MRM1: variants seen among roughly 807,000 people sequenced by gnomAD.
MRM1 encodes the protein rRNA methyltransferase 1, mitochondrial.
In MRM1, 24 loss-of-function variants were observed where a neutral mutation model predicts 25.0. That is an observed-to-expected ratio of 0.96 (90% confidence interval 0.69 to 1.35). The LOEUF is 1.35. Ranked by LOEUF, MRM1 falls within the 40% of genes most tolerant of loss-of-function variation. The pLI is 0.00. For missense variants in MRM1, 431 were observed against 464.1 expected (o/e 0.93, Z 0.65); for synonymous variants, 188 against 199.2 (o/e 0.94, Z 0.47).
downstream of MRM1, among the ~76,000 whole-genome samples, chr17:36,609,891 A>G (rs2074964648): frequency 6.6e-6 from 1 of 152,174 alleles, no homozygotes; most frequent in Non-Finnish European, 1.5e-5. Context: ...GGCAATGCCA[A>G]TTTAGAGCAA....
At position 36,602,199 on chromosome 17, in the gene MRM1, C is replaced by T; in HGVS notation, c.389C>T (p.Pro130Leu). 1.2e-6 allele frequency: 2 copies of T among 1,610,766 alleles called. No individual in the cohort carries two copies. The highest frequency in any genetic ancestry group is 3.3e-4 in the Middle Eastern group (2 of 5,988). Residue 130 changes from proline to leucine, a missense_variant, in exon 1 of 5, where the codon CCT becomes CTT. Physicochemically the swap from Pro to Leu is moderately conservative, Grantham distance 98. Transcript: ENST00000614766. This position sits in a 1 kb window ranked among gnomAD's most constrained non-coding sequence, Gnocchi z 4.1. ...CMEVSPLRPRPWREAGEASPG... is the reference protein window; with the variant it reads ...CMEVSPLRPRLWREAGEASPG... ...GAGGTGAGCCCGCTGCGGCCCCGGC[C>T]TTGGAGAGAGGCCGGGGAGGCGAGC...
At chr17:36,609,190 A>C (rs1175500314), downstream of MRM1, among the ~76,000 whole-genome samples, 1 of 152,156 alleles carries the variant, frequency 6.6e-6, no homozygotes, top group Non-Finnish European at 1.5e-5. Flanking sequence ...TTGATTGTAC[A>C]ACCGAGACAG....
chr17:36,627,836 G>A, the MRM1 span, among the ~76,000 whole-genome samples: 1 of 152,010 alleles, frequency 6.6e-6, no homozygotes, highest in Admixed American at 6.6e-5. Context: ...ACCACGCCCA[G>A]CTGATTTTTT....
At chr17:36,619,847 C>T in the MRM1 span, among the ~76,000 whole-genome samples, 1 of 152,174 alleles carries the variant, frequency 6.6e-6, no homozygotes, top group African/African-American at 2.4e-5. Flanking sequence ...TCCACATCCT[C>T]AATAAGACTG....
Position 36,608,003 on chromosome 17 carries a change from G to A in MRM1, c.874G>A (p.Val292Ile), listed in dbSNP as rs779839757. 4.3e-6 allele frequency: 7 copies of A among 1,614,102 alleles called. No homozygotes were observed. The highest frequency in any genetic ancestry group is 3.3e-5 in the South Asian group (3 of 91,078). ...QLPPGLESLN[V>I]SVAAGILLHS... Reference sequence around the variant, plus strand: ...GCCTCCTGGACTTGAGTCCTTGAACGTCTCTGTGGCTGCAGGTGAGTCTAC... The same window carrying A: ...GCCTCCTGGACTTGAGTCCTTGAACATCTCTGTGGCTGCAGGTGAGTCTAC... Residue 292 changes from valine to isoleucine, a missense_variant, in exon 4 of 5, where the codon GTC (valine) becomes ATC (isoleucine). Physicochemically the swap from Val to Ile is conservative, Grantham distance 29. Coordinates refer to ENST00000614766, the MANE Select transcript of MRM1 (RefSeq NM_024864.5).
At chr17:36,607,438 T>C (rs750679061) in intron 2 of MRM1, among the ~76,000 whole-genome samples, 2 of 145,898 alleles carry the variant, frequency 1.4e-5, no homozygotes, top group African/African-American at 2.6e-5. Context: ...CAGGGCAACA[T>C]GGCAAAACCT....
chr17:36,619,736 T>C, the MRM1 span, among the ~76,000 whole-genome samples: 1 of 152,018 alleles, frequency 6.6e-6, no homozygotes, highest in Non-Finnish European at 1.5e-5. Flanking sequence ...GCTGATCCGA[T>C]TATAATTCTA....
At chr17:36,623,607 C>T in the MRM1 span, among the ~76,000 whole-genome samples, 1 of 152,190 alleles carries the variant, frequency 6.6e-6, no homozygotes, top group African/African-American at 2.4e-5. Context: ...CTCTGTGCAG[C>T]CCAGCCTGAA....
At chr17:36,634,384 A>T in the MRM1 span, 4 of 152,162 alleles carry the variant, frequency 2.6e-5, no homozygotes, top group Non-Finnish European at 1.5e-5. Flanking sequence ...TCTTTTACAA[A>T]TGGGGCAACT....
At chr17:36,627,819 A>C in the MRM1 span, among the ~76,000 whole-genome samples, 1 of 151,622 alleles carries the variant, frequency 6.6e-6, no homozygotes, top group Non-Finnish European at 1.5e-5. Context: ...GATTACAGGC[A>C]CACGCCACCA....
chr17:36,607,834 T>C, intron 3 of MRM1, 32 bp downstream of exon 3: 1 of 1,611,980 alleles, frequency 6.2e-7, no homozygotes, highest in Non-Finnish European at 8.5e-7. Flanking sequence ...TGTGCCCAGA[T>C]TACATTTCCC....
the MRM1 span, among the ~76,000 whole-genome samples, chr17:36,616,390 A>G: frequency 1.3e-5 from 2 of 152,170 alleles, no homozygotes; most frequent in Non-Finnish European, 2.9e-5. Context: ...GAAACAAGGG[A>G]GCTAATTGAG....
intron 2 of MRM1, chr17:36,603,346 T>A (rs963715045): frequency 6.8e-6 from 2 of 292,812 alleles, no homozygotes; most frequent in African/African-American, 4.6e-5. Context: ...TTAAATAAAT[T>A]GTGTCCAGTA....
chr17:36,629,946 A>C, the MRM1 span, among the ~76,000 whole-genome samples: 1 of 152,156 alleles, frequency 6.6e-6, no homozygotes, highest in African/African-American at 2.4e-5. Context: ...GTAGGAAAGG[A>C]AGCCTTGGCA....
downstream of MRM1, among the ~76,000 whole-genome samples, chr17:36,610,974 C>T (rs1037049907): frequency 6.6e-6 from 1 of 152,062 alleles, no homozygotes; most frequent in African/African-American, 2.4e-5. Flanking sequence ...CCACCACACC[C>T]AGCTAAGTTT....
At chr17:36,605,974 C>T (rs944071097) in intron 2 of MRM1, among the ~76,000 whole-genome samples, 1 of 152,152 alleles carries the variant, frequency 6.6e-6, no homozygotes, top group African/African-American at 2.4e-5. Flanking sequence ...CTTTCAAAGC[C>T]TCTGTACCGC....
At position 36,607,730 on chromosome 17, in the gene MRM1, C is replaced by T; in HGVS notation, c.697C>T (p.Pro233Ser). The change falls in exon 3 of 5, where the codon CCC (proline) becomes TCC (serine). Residue 233 changes from proline (P) to serine (S), a missense_variant. By Grantham distance (74) the Pro-to-Ser change is moderately conservative. Transcript: ENST00000614766. ...GGTGGGCTGCCCAAGCACAGAGGATCCCCAGTCCTCCGAGATCCCCATCAT... is the reference window on the plus strand; with the variant it reads ...GGTGGGCTGCCCAAGCACAGAGGATTCCCAGTCCTCCGAGATCCCCATCAT... Reference protein sequence around the residue: ...GTVGCPSTEDPQSSEIPIMSC... With the variant: ...GTVGCPSTEDSQSSEIPIMSC... 1 of 1,614,180 alleles carries T rather than the reference C, an allele frequency of 6.2e-7. No individual in the cohort carries two copies. Among genetic ancestry groups the T allele is most frequent in the Non-Finnish European group, 8.5e-7 (1 of 1,180,032 alleles).
chr17:36,624,009 G>A, the MRM1 span, among the ~76,000 whole-genome samples: 2 of 152,146 alleles, frequency 1.3e-5, no homozygotes, highest in Non-Finnish European at 2.9e-5. This position sits in a 1 kb window ranked among gnomAD's most constrained non-coding sequence, Gnocchi z 4.0. Flanking sequence ...ACTGCTGATT[G>A]TGGCCAAGCC....
chr17:36,602,300 C>T lies in MRM1; in HGVS notation c.490C>T (p.Arg164Cys). The T allele has an allele frequency of 6.3e-7, 1 of 1,592,114 alleles. No homozygotes were observed. The highest frequency in any genetic ancestry group is 8.6e-7 in the Non-Finnish European group (1 of 1,165,090). ...TCCCCGGAATTTTGGGGCTGTGCTGCGTTCCGCACACTTCCTCGGAGTGGA... is the reference window on the plus strand; with the variant it reads ...TCCCCGGAATTTTGGGGCTGTGCTGTGTTCCGCACACTTCCTCGGAGTGGA... The part of the protein sequence containing the change: ...QDPRNFGAVL[R>C]SAHFLGVDKV... The change falls in exon 1 of 5, where the codon CGT (arginine) becomes TGT (cysteine). Residue 164 changes from arginine to cysteine, a missense_variant. Transcript: ENST00000614766. The surrounding 1 kb of genome is among the most constrained non-coding windows in gnomAD (Gnocchi z 4.1).
Sources: gnomAD v4.1 joint callset for allele counts (sites outside exome capture counted in the v4.1 genomes callset) on GRCh38, gnomAD v4.1.1 for gene constraint, Gnocchi (gnomAD v3.1) non-coding constraint, MANE v1.5 for transcripts, NCBI Gene and HGNC (gene_info 2026-07-23, HGNC 2026-07-21) for gene names.